Variants in RAB27B observed in about 807,000 individuals in gnomAD.
RAB27B encodes ras-related protein Rab-27B.
In RAB27B, 15 loss-of-function variants were observed where a neutral mutation model predicts 24.6. The ratio of observed to expected loss-of-function variants is 0.61; its 90% CI spans 0.41 to 0.94. The LOEUF (loss-of-function observed/expected upper bound fraction) is 0.94. Ranked by LOEUF, RAB27B falls within the 40% of genes least tolerant of loss-of-function variation. RAB27B has a pLI of 0.00. For synonymous variants in RAB27B, 105 were observed against 92.5 expected (o/e 1.14, Z -0.78); for missense variants, 261 against 266.8 (o/e 0.98, Z 0.15).
upstream of RAB27B, among the ~76,000 whole-genome samples, chr18:54,825,761 T>C (rs1910451036): frequency 6.6e-6 from 1 of 152,206 alleles, no homozygotes; most frequent in Non-Finnish European, 1.5e-5. Context: ...GAGGAACTTA[T>C]GGTTGGTTGA....
rs1913523593 is a variant in RAB27B, at chr18:54,895,253, C to T, written c.*5840C>T. The T allele has an allele frequency of 6.6e-6, 1 of 151,958 alleles. No homozygotes were observed. The highest frequency in any genetic ancestry group is 1.5e-5 in the Non-Finnish European group (1 of 67,962). The allele number at this position is 151,958 out of a possible 1,614,324, so 9.4% of individuals were successfully genotyped here. On this transcript the variant is annotated 3_prime_UTR_variant, in exon 6 of 6. Transcript: ENST00000262094. ...CACGTTTGATTATTTTGTCTGTCTC[C>T]TATATAGATCTGTTTTGTCTAGTGC... is the stretch of plus-strand genomic sequence containing the variant.
At chr18:54,803,480 G>A (rs1369323416) in intron 2 of RAB27B, among the ~76,000 whole-genome samples, 1 of 152,184 alleles carries the variant, frequency 6.6e-6, no homozygotes, top group Non-Finnish European at 1.5e-5. Context: ...AACATGATCA[G>A]TAGACAGTAG....
chr18:54,836,140 ATC>A, intron 1 of RAB27B, among the ~76,000 whole-genome samples: 1 of 152,008 alleles, frequency 6.6e-6, no homozygotes, highest in East Asian at 1.9e-4. Context: ...CTTGCTGGGC[ATC>A]TGTTTCCTGT....
intron 2 of RAB27B, among the ~76,000 whole-genome samples, chr18:54,725,368 G>GT (rs1464980363): frequency 3.3e-5 from 5 of 151,542 alleles, no homozygotes; most frequent in Admixed American, 2.0e-4. Context: ...AAGGATTCAA[G>GT]TTTCCAAACA....
At chr18:54,815,152 G>T (rs1407165057) in intron 2 of RAB27B, among the ~76,000 whole-genome samples, 1 of 152,056 alleles carries the variant, frequency 6.6e-6, no homozygotes, top group African/African-American at 2.4e-5. Flanking sequence ...AACAAATTTT[G>T]CCTCCCTGGG....
chr18:54,843,070 A>G (rs1347059813), intron 1 of RAB27B, among the ~76,000 whole-genome samples: 1 of 152,224 alleles, frequency 6.6e-6, no homozygotes, highest in African/African-American at 2.4e-5. Flanking sequence ...TGCTGGGATT[A>G]CAGGTGTGAG....
intron 2 of RAB27B, among the ~76,000 whole-genome samples, chr18:54,800,442 C>A (rs1335127240): frequency 6.6e-6 from 1 of 152,196 alleles, no homozygotes; most frequent in Non-Finnish European, 1.5e-5. Context: ...TAGTGGTGCT[C>A]TTCCTCCTCC....
chr18:54,883,641 C>T (rs1459839422), intron 3 of RAB27B, among the ~76,000 whole-genome samples: 23 of 152,050 alleles, frequency 1.5e-4, no homozygotes, highest in Admixed American at 1.2e-3. Flanking sequence ...CTTTGCATTG[C>T]ACACGAAAGA....
chr18:54,877,155 G>A (rs1912736030), intron 1 of RAB27B, among the ~76,000 whole-genome samples: 1 of 152,070 alleles, frequency 6.6e-6, no homozygotes, highest in African/African-American at 2.4e-5. Context: ...CCTTTGCTGA[G>A]CTCTCATTCT....
At chr18:54,867,442 C>CTTTTTTTTTTTTT (rs548288719) in intron 1 of RAB27B, among the ~76,000 whole-genome samples, 7 of 98,756 alleles carry the variant, frequency 7.1e-5, no homozygotes, top group Non-Finnish European at 1.2e-4. Flanking sequence ...CTTTTCTTTT[C>CTTTTTTTTTTTTT]TTTTTTTTTT....
intron 2 of RAB27B, among the ~76,000 whole-genome samples, chr18:54,770,359 C>T (rs559300658): frequency 2.6e-5 from 4 of 152,060 alleles, no homozygotes; most frequent in Non-Finnish European, 5.9e-5. Flanking sequence ...ATTAGATTCT[C>T]ATAGGATCAT....
intron 2 of RAB27B, among the ~76,000 whole-genome samples, chr18:54,795,623 T>A (rs568400064): frequency 6.6e-6 from 1 of 152,294 alleles, no homozygotes; most frequent in Admixed American, 6.5e-5. Flanking sequence ...TAAGTTTCAA[T>A]CCTTTGATAC....
intron 2 of RAB27B, among the ~76,000 whole-genome samples, chr18:54,738,326 T>C (rs1909964640): frequency 6.6e-6 from 1 of 152,170 alleles, no homozygotes; most frequent in Non-Finnish European, 1.5e-5. Flanking sequence ...TCTCAAATTA[T>C]AATCCCCATA....
chr18:54,822,151 T>C (rs571949309), intron 2 of RAB27B, among the ~76,000 whole-genome samples: 78 of 152,342 alleles, frequency 5.1e-4, no homozygotes, highest in Non-Finnish European at 1.3e-4. Context: ...GATAGTTATC[T>C]TAACATTGGA....
At chr18:54,779,432 A>C (rs1416434345) in intron 2 of RAB27B, among the ~76,000 whole-genome samples, 1 of 152,200 alleles carries the variant, frequency 6.6e-6, no homozygotes, top group African/African-American at 2.4e-5. Context: ...TGAGAATCCC[A>C]CATCCAGAGA....
At chr18:54,865,468 C>T (rs1272877823) in intron 1 of RAB27B, among the ~76,000 whole-genome samples, 2 of 152,108 alleles carry the variant, frequency 1.3e-5, no homozygotes, top group African/African-American at 2.4e-5. Context: ...TTTCATGAGG[C>T]CTTTAACCTA....
chr18:54,758,190 T>C (rs1332800949), intron 2 of RAB27B, among the ~76,000 whole-genome samples: 3 of 152,156 alleles, frequency 2.0e-5, no homozygotes, highest in Non-Finnish European at 4.4e-5. Context: ...GGTATGACAA[T>C]TAAGATTGTT....
intron 2 of RAB27B, among the ~76,000 whole-genome samples, chr18:54,736,005 CA>C (rs1909880764): frequency 6.6e-6 from 1 of 152,116 alleles, no homozygotes; most frequent in Non-Finnish European, 1.5e-5. Flanking sequence ...GAGCAACACA[CA>C]CTTTAAAAAA....
At chr18:54,800,470 C>A (rs1001359526) in intron 2 of RAB27B, among the ~76,000 whole-genome samples, 2 of 152,208 alleles carry the variant, frequency 1.3e-5, no homozygotes, top group Non-Finnish European at 2.9e-5. Context: ...TGCTCCACAG[C>A]ACTGGGCATT....
Sources: gnomAD v4.1 joint callset for allele counts (sites outside exome capture counted in the v4.1 genomes callset) on GRCh38, gnomAD v4.1.1 for gene constraint, MANE v1.5 for transcripts, NCBI Gene and HGNC (gene_info 2026-07-23, HGNC 2026-07-21) for gene names.